CEP57L1: variants seen among roughly 807,000 people sequenced by gnomAD.
CEP57L1 encodes the protein centrosomal protein 57 like 1.
A neutral mutation model predicts 61.0 loss-of-function variants in CEP57L1; 37 were observed. The ratio of observed to expected loss-of-function variants is 0.61; its 90% CI spans 0.47 to 0.80. The LOEUF is 0.80. Among genes scored for constraint, CEP57L1 ranks in the 30% least tolerant of loss-of-function variants. The pLI, the probability that CEP57L1 is intolerant of heterozygous loss-of-function variation, is 0.00. For missense variants in CEP57L1, 422 were observed against 524.7 expected (o/e 0.80, Z 1.91); for synonymous variants, 137 against 162.3 (o/e 0.84, Z 1.19).
chr6:109,126,987 G>A (rs1773624221), intron 1 of CEP57L1, among the ~76,000 whole-genome samples: 1 of 152,028 alleles, frequency 6.6e-6, no homozygotes, highest in South Asian at 2.1e-4. Context: ...CCAACATGGT[G>A]AAACCCCGTC....
chr6:109,162,801 GTA>G lies in CEP57L1; in HGVS notation c.1216_1217del (p.Ile406SerfsTer8). On this transcript the variant is annotated frameshift_variant, in exon 11 of 11. Coordinates refer to ENST00000517392, the MANE Select transcript of CEP57L1 (RefSeq NM_001271852.3). LOFTEE classifies it high-confidence loss of function. ...AACTCAAAGATGAGTGAAGCTTCAGGTATTCAGCAAGAAGACAGCTACCCTAA... is the reference window on the plus strand; with the variant it reads ...AACTCAAAGATGAGTGAAGCTTCAGGTTCAGCAAGAAGACAGCTACCCTAA... The G allele has an allele frequency of 6.2e-7, 1 of 1,613,100 alleles. No individual in the cohort carries two copies. Among genetic ancestry groups the G allele is most frequent in the Non-Finnish European group, 8.5e-7 (1 of 1,179,508 alleles).
rs1348978404 is a variant in CEP57L1, at chr6:109,172,198, A to T, written c.*9228A>T. On this transcript the variant is annotated 3_prime_UTR_variant, in exon 11 of 11. Coordinates refer to ENST00000517392, the MANE Select transcript of CEP57L1 (RefSeq NM_001271852.3). ...CCATAATTCTCTCAGCAGACAGACC[A>T]TAATTCTCTCAGCAACAATGTGTGA... is the stretch of plus-strand genomic sequence containing the variant. 7.4e-6 allele frequency among the ~76,000 whole-genome samples: 1 copy of T among 134,960 alleles called. No individual in the cohort carries two copies. The highest frequency in any genetic ancestry group is 1.6e-5 in the Non-Finnish European group (1 of 61,450). The allele number at this position is 134,960 out of a possible 152,430, so 88.5% of individuals were successfully genotyped here.
In CEP57L1 at chr6:109,120,905, GACACACGCAC is replaced by G. The variant is rs572628430; in HGVS notation, c.-3-24307_-3-24298del. 6.1e-3 allele frequency among the ~76,000 whole-genome samples: 777 copies of G among 128,378 alleles called. 3 individuals carry two copies. Among genetic ancestry groups the G allele is most frequent in the African/African-American group, 0.018 (560 of 31,996 alleles). 84.2% of individuals were successfully genotyped at this position (128,378 alleles called of 152,430 possible). A position where few individuals can be genotyped will look rare whatever the true frequency, so the allele number is the denominator to read the frequency against. Reference sequence around the variant, plus strand: ...CAGTCTTAGAAAATTCCTATACTTAGACACACGCACACACACACACACACACACACACACA... The same window carrying G: ...CAGTCTTAGAAAATTCCTATACTTAGACACACACACACACACACACACACA... On this transcript the variant is annotated intron_variant, in intron 1 of 10. Coordinates refer to ENST00000517392, the MANE Select transcript of CEP57L1 (RefSeq NM_001271852.3).
chr6:109,134,975 A>G (rs1312604203), intron 1 of CEP57L1, among the ~76,000 whole-genome samples: 1 of 152,244 alleles, frequency 6.6e-6, no homozygotes, highest in African/African-American at 2.4e-5. Context: ...TATCGTGAAA[A>G]TGGCCATACT....
chr6:109,155,926 TTATA>T, intron 7 of CEP57L1, 49 bp downstream of exon 7: 1 of 833,870 alleles, frequency 1.2e-6, no homozygotes, highest in Non-Finnish European at 2.0e-6. Flanking sequence ...TAATACTTAT[TTATA>T]TAACCTCTTA....
intron 1 of CEP57L1, among the ~76,000 whole-genome samples, chr6:109,121,581 T>C (rs955118263): frequency 2.9e-4 from 44 of 152,308 alleles, no homozygotes; most frequent in African/African-American, 1.1e-3. Context: ...TTGTAAATCA[T>C]CATCTTTGGC....
intron 1 of CEP57L1, among the ~76,000 whole-genome samples, chr6:109,142,175 C>T (rs534208845): frequency 3.9e-5 from 6 of 152,160 alleles, no homozygotes; most frequent in African/African-American, 1.4e-4. Context: ...CCTGGTTGTT[C>T]ACAAGCTGTC....
At chr6:109,143,939 C>T (rs1444835194) in intron 1 of CEP57L1, among the ~76,000 whole-genome samples, 1 of 152,102 alleles carries the variant, frequency 6.6e-6, no homozygotes, top group Non-Finnish European at 1.5e-5. Flanking sequence ...GGCCTTACCT[C>T]CACTTTATAG....
At position 109,145,312 on chromosome 6, in the gene CEP57L1, T is replaced by C. The variant is rs569335383; in HGVS notation, c.91T>C (p.Ser31Pro). 2.5e-6 allele frequency: 4 copies of C among 1,611,408 alleles called. No homozygotes were observed. The African/African-American group carries it at 4.0e-5, about 16-fold the overall frequency. The part of the protein sequence containing the change: ...FVPSFTQNEP[S>P]QNCHPANLEV... ...TCCCTCATTCACCCAGAATGAACCA[T>C]CTCAGAATTGCCATCCTGCAAACTT... The change falls in exon 2 of 11, where the codon TCT (serine) becomes CCT (proline). Residue 31 changes from serine (S) to proline (P), a missense_variant. Ser to Pro is a moderately conservative substitution (Grantham distance 74). Coordinates refer to ENST00000517392, the MANE Select transcript of CEP57L1 (RefSeq NM_001271852.3).
chr6:109,136,155 A>G (rs141504476), intron 1 of CEP57L1, among the ~76,000 whole-genome samples: 17,850 of 152,164 alleles, frequency 0.12, 1,143 homozygotes, highest in Middle Eastern at 0.21. Context: ...GCAAAGACTT[A>G]GAACCAACCC....
At chr6:109,119,471 G>A (rs1474181589) in intron 1 of CEP57L1, among the ~76,000 whole-genome samples, 3 of 152,150 alleles carry the variant, frequency 2.0e-5, no homozygotes, top group Admixed American at 1.3e-4. Context: ...AGAATGGGGA[G>A]TAGGAGGATG....
intron 1 of CEP57L1, among the ~76,000 whole-genome samples, chr6:109,118,568 C>T (rs1772578313): frequency 6.6e-6 from 1 of 152,198 alleles, no homozygotes; most frequent in Admixed American, 6.6e-5. Flanking sequence ...AGTTGTTCAC[C>T]TCAGACATGT....
chr6:109,155,812 A>G lies in CEP57L1; in HGVS notation c.679A>G (p.Ser227Gly), dbSNP rs752686303. 1.3e-6 allele frequency: 2 copies of G among 1,565,616 alleles called. No individual in the cohort carries two copies. Among genetic ancestry groups the G allele is most frequent in the Non-Finnish European group, 1.8e-6 (2 of 1,141,494 alleles). Residue 227 changes from serine to glycine, a missense_variant, in exon 7 of 11, where the codon AGT becomes GGT. Transcript: ENST00000517392. ...ASELQTGLEI[S>G]KIIMSSVSNL... The stretch of plus-strand genomic sequence containing the variant: ...ACAGCTTCAAACTGGACTTGAAATC[A>G]GTAAAATTATAATGTCTTCAGTTTC...
At chr6:109,102,028 C>A (rs1161531192) in intron 1 of CEP57L1, among the ~76,000 whole-genome samples, 2 of 152,176 alleles carry the variant, frequency 1.3e-5, no homozygotes, top group Non-Finnish European at 2.9e-5. Flanking sequence ...GTGTTTTGGA[C>A]TTTAGCTGTT....
intron 1 of CEP57L1, among the ~76,000 whole-genome samples, chr6:109,104,828 C>T (rs1431034617): frequency 6.6e-6 from 1 of 152,072 alleles, no homozygotes. Flanking sequence ...CTCAAGAAGT[C>T]CTCCCACCTC....
At position 109,167,106 on chromosome 6, in the gene CEP57L1, T is replaced by C. The variant is rs1381088076; in HGVS notation, c.*4136T>C. On this transcript the variant is annotated 3_prime_UTR_variant, in exon 11 of 11. Transcript: ENST00000517392. ...ACTGTCACTCATCTGAAAATAAATT[T>C]ACTTCTTGGTAATTAAATAGACCTT... is the stretch of plus-strand genomic sequence containing the variant. Among the ~76,000 whole-genome samples, 3 of 152,372 alleles carry C rather than the reference T, an allele frequency of 2.0e-5. No individual in the cohort carries two copies. The highest frequency in any genetic ancestry group is 2.0e-4 in the Admixed American group (3 of 15,310).
chr6:109,109,019 TCTCCCACAC>T (rs1771255938), intron 1 of CEP57L1, among the ~76,000 whole-genome samples: 1 of 152,216 alleles, frequency 6.6e-6, no homozygotes, highest in Non-Finnish European at 1.5e-5. Flanking sequence ...CTTCCTTTAC[TCTCCCACAC>T]TAGAAATACA....
At position 109,168,585 on chromosome 6, in the gene CEP57L1, C is replaced by T. The variant is rs537700380; in HGVS notation, c.*5615C>T. Among the ~76,000 whole-genome samples the T allele has an allele frequency of 1.0e-4, 15 of 149,032 alleles. No homozygotes were observed. The highest frequency in any genetic ancestry group is 6.8e-4 in the Admixed American group (10 of 14,658). On this transcript the variant is annotated 3_prime_UTR_variant, in exon 11 of 11. Transcript: ENST00000517392. ...GTCAAATCAATTTAGCGGGTCACTA[C>T]CAGCATTTTTTTTTTTTTTTTTTTT...
rs547812098 is a variant in CEP57L1 at position 109,163,833 on chromosome 6, A to G, written c.*863A>G. Reference sequence around the variant, plus strand: ...GTAGTATGGTATATTTTTATTTTTTATATTTTAAAATCAATAATGTCAAAT... The same window carrying G: ...GTAGTATGGTATATTTTTATTTTTTGTATTTTAAAATCAATAATGTCAAAT... On this transcript the variant is annotated 3_prime_UTR_variant, in exon 11 of 11. Transcript: ENST00000517392. The G allele has an allele frequency of 2.6e-5, 4 of 152,182 alleles. No homozygotes were observed. The South Asian group carries it at 8.3e-4, about 32-fold the overall frequency. The allele number at this position is 152,182 out of a possible 1,614,324, so 9.4% of individuals were successfully genotyped here. A position where few individuals can be genotyped will look rare whatever the true frequency, so the allele number is the denominator to read the frequency against.
Sources: allele counts gnomAD v4.1 joint callset (sites outside exome capture counted in the v4.1 genomes callset), GRCh38; gene constraint gnomAD v4.1.1; transcripts MANE v1.5; gene names NCBI Gene and HGNC (gene_info 2026-07-23, HGNC 2026-07-21).